The following ADGRE3 variants were observed in gnomAD, a reference collection of about 807,000 sequenced individuals.
The protein encoded by ADGRE3 is adhesion G protein-coupled receptor E3, also known as EGF-like module receptor 3.
Under a neutral mutation model 80.1 loss-of-function variants are expected in ADGRE3, and 88 were observed. The ratio of observed to expected loss-of-function variants is 1.10; its 90% CI spans 0.93 to 1.31. ADGRE3 has a LOEUF of 1.31. Ranked by LOEUF, ADGRE3 falls within the 40% of genes most tolerant of loss-of-function variation. ADGRE3 has a pLI of 0.00. For missense variants in ADGRE3, 715 were observed against 776.5 expected, an observed-to-expected ratio of 0.92 and a Z score of 0.94; for synonymous variants, 281 against 294.8, an observed-to-expected ratio of 0.95 and a Z score of 0.48.
the ADGRE3 span, among the ~76,000 whole-genome samples, chr19:14,609,831 C>A: frequency 6.8e-6 from 1 of 147,704 alleles, no homozygotes; most frequent in Admixed American, 6.8e-5. Context: ...GAGTGAGACT[C>A]TGTCTCCAAA....
At chr19:14,634,740 C>G (rs548252530) in intron 11 of ADGRE3, among the ~76,000 whole-genome samples, 1 of 152,028 alleles carries the variant, frequency 6.6e-6, no homozygotes, top group Non-Finnish European at 1.5e-5. Flanking sequence ...TCTTGTGATC[C>G]GAGAGATTGA....
At chr19:14,633,476 A>G (rs1056385141) in intron 11 of ADGRE3, among the ~76,000 whole-genome samples, 174 bp from the exon 12 acceptor site, 5 of 151,936 alleles carry the variant, frequency 3.3e-5, no homozygotes, top group African/African-American at 9.7e-5. Context: ...GGAGGCCGAG[A>G]TGGGCGGCTC....
chr19:14,625,455 A>G (rs201506202), intron 15 of ADGRE3, 37 bp downstream of exon 15: 356 of 1,274,430 alleles, frequency 2.8e-4, no homozygotes, highest in Admixed American at 5.9e-4. Flanking sequence ...AGAGAGGAGT[A>G]TGTAAAACAT....
At chr19:14,626,444 C>CAAAAG (rs756562270) in intron 14 of ADGRE3, among the ~76,000 whole-genome samples, 18 of 151,782 alleles carry the variant, frequency 1.2e-4, no homozygotes, top group Middle Eastern at 3.4e-3. Context: ...CTCAAAAAAA[C>CAAAAG]AAAAGAAAAG....
intron 14 of ADGRE3, among the ~76,000 whole-genome samples, chr19:14,625,928 G>A (rs12974715): frequency 0.53 from 80,027 of 151,872 alleles, 21,552 homozygotes; most frequent in East Asian, 0.76. Flanking sequence ...TCCAGGGCCT[G>A]GGGGGAAGGA....
downstream of ADGRE3, among the ~76,000 whole-genome samples, chr19:14,615,199 CTTCTT>C (rs1380088044): frequency 1.1e-5 from 1 of 91,022 alleles, no homozygotes; most frequent in Non-Finnish European, 2.4e-5. Context: ...CTACAGCTGC[CTTCTT>C]TTTTTTTTTT....
At chr19:14,670,562 G>A (rs1794624894) in intron 1 of ADGRE3, among the ~76,000 whole-genome samples, 1 of 152,116 alleles carries the variant, frequency 6.6e-6, no homozygotes, top group African/African-American at 2.4e-5. Flanking sequence ...CTCTATTGTG[G>A]CTGGTAAAGA....
At chr19:14,630,447 T>G (rs1263373996) in intron 13 of ADGRE3, among the ~76,000 whole-genome samples, 5 of 151,532 alleles carry the variant, frequency 3.3e-5, no homozygotes, top group Non-Finnish European at 7.4e-5. Context: ...CTTGCTCTGT[T>G]GCCCAGGCTG....
intron 11 of ADGRE3, among the ~76,000 whole-genome samples, chr19:14,633,662 G>A (rs1262555301): frequency 1.4e-5 from 2 of 145,714 alleles, no homozygotes; most frequent in African/African-American, 2.6e-5. Flanking sequence ...CCAAGATCGC[G>A]CCACCGCACT....
At position 14,627,309 on chromosome 19, in the gene ADGRE3, A is replaced by G. The variant is rs988907020; in HGVS notation, c.1813-1710T>C. Among the ~76,000 whole-genome samples, 13 of 152,340 alleles carry G rather than the reference A, an allele frequency of 8.5e-5. No homozygotes were observed. In the East Asian group the frequency reaches 2.1e-3, roughly 25 times the overall value. ...CACCCATACCTACATATAAATAAAT[A>G]CATAACAATAACACAAACAATGAGT... On this transcript the variant is annotated intron_variant, in intron 14 of 15. Transcript: ENST00000253673.
At chr19:14,668,884 A>C (rs773843513) in intron 1 of ADGRE3, 32 bp from the exon 2 acceptor site, 3 of 1,603,852 alleles carry the variant, frequency 1.9e-6, no homozygotes, top group Non-Finnish European at 2.6e-6. Context: ...AGGGAGAGAC[A>C]TGAAACAATT....
chr19:14,643,309 C>T (rs1353499865), intron 9 of ADGRE3, among the ~76,000 whole-genome samples: 1 of 151,576 alleles, frequency 6.6e-6, no homozygotes, highest in African/African-American at 2.4e-5. Context: ...CCACACCTGG[C>T]TAATTTTTGT....
At chr19:14,651,041 C>T in intron 7 of ADGRE3, 44 bp downstream of exon 7, 6 of 1,611,088 alleles carry the variant, frequency 3.7e-6, no homozygotes, top group Non-Finnish European at 4.2e-6. Flanking sequence ...CACACAATGA[C>T]ATGGCTCTGT....
At chr19:14,611,081 C>T in the ADGRE3 span, 1 of 151,390 alleles carries the variant, frequency 6.6e-6, no homozygotes, top group African/African-American at 2.4e-5. Flanking sequence ...AGATCTGCCT[C>T]GCACAGAAAT....
rs1375385019 is a variant in ADGRE3, at chr19:14,622,186, C to T, written c.1921-2715G>A. 6 of 1,007,652 alleles carry T rather than the reference C, an allele frequency of 6.0e-6. 2 individuals are homozygous for T. Among genetic ancestry groups the T allele is most frequent in the Non-Finnish European group, 8.4e-6 (6 of 716,738 alleles). The allele number at this position is 1,007,652 out of a possible 1,614,324, so 62.4% of individuals were successfully genotyped here. On this transcript the variant is annotated intron_variant, in intron 15 of 15. Coordinates refer to ENST00000253673, the MANE Select transcript of ADGRE3 (RefSeq NM_032571.5). ...GATCTGTACACTTACAGACACCACACTCGCAGATGCCCCGGCCATTGCAGA... is the reference window on the plus strand; with the variant it reads ...GATCTGTACACTTACAGACACCACATTCGCAGATGCCCCGGCCATTGCAGA...
In ADGRE3 at chr19:14,630,204, C is replaced by T. The variant is rs1283083530; in HGVS notation, c.1647G>A (p.Met549Ile). ...SEVSTIQNTRMLAFKATAQLF... is the reference protein window; with the variant it reads ...SEVSTIQNTRILAFKATAQLF... ...GCTGAGCTGTTGCTTTGAAAGCCAG[C>T]ATCCTGGGAGGAGGAAGTCAGAGAT... Residue 549 changes from methionine to isoleucine, a missense_variant, in exon 14 of 16, where the codon ATG (methionine) becomes ATA (isoleucine). Physicochemically the swap from Met to Ile is conservative, Grantham distance 10. Transcript: ENST00000253673. The T allele has an allele frequency of 1.3e-6, 2 of 1,598,530 alleles. No individual in the cohort carries two copies. The highest frequency in any genetic ancestry group is 1.7e-6 in the Non-Finnish European group (2 of 1,171,598).
chr19:14,617,934 T>C (rs1162817262), downstream of ADGRE3, among the ~76,000 whole-genome samples: 1 of 152,038 alleles, frequency 6.6e-6, no homozygotes, highest in Non-Finnish European at 1.5e-5. Context: ...TCCAGTAAAA[T>C]ATCTTCTTAA....
intron 7 of ADGRE3, 38 bp from the exon 8 acceptor site, chr19:14,647,403 T>C: frequency 7.0e-7 from 1 of 1,419,654 alleles, no homozygotes; most frequent in Non-Finnish European, 9.5e-7. Flanking sequence ...TTTCTTTTCT[T>C]TTCTTTCTTT....
rs185899099 is a variant in ADGRE3, at chr19:14,646,257, G to A, written c.882+924C>T. 7.2e-5 allele frequency among the ~76,000 whole-genome samples: 11 copies of A among 152,162 alleles called. No individual in the cohort carries two copies. In the East Asian group the frequency reaches 2.1e-3, roughly 29 times the overall value. On this transcript the variant is annotated intron_variant, in intron 8 of 15. Transcript: ENST00000253673. ...CCTGCCTCACCCTCCCAAGTAGCTG[G>A]GACTACAGGCATGTGCCACCATGCC...
Sources: allele counts gnomAD v4.1 joint callset (sites outside exome capture counted in the v4.1 genomes callset), GRCh38; gene constraint gnomAD v4.1.1; transcripts MANE v1.5; gene names NCBI Gene and HGNC (gene_info 2026-07-23, HGNC 2026-07-21).